Variants in RAPGEF2 observed in about 807,000 individuals in gnomAD.
RAPGEF2 encodes Rap guanine nucleotide exchange factor 2.
A neutral mutation model predicts 186.7 loss-of-function variants in RAPGEF2; 54 were observed. The observed-to-expected ratio is 0.29, with a 90% confidence interval of 0.23 to 0.36. RAPGEF2 has a LOEUF of 0.36. Among genes scored for constraint, RAPGEF2 ranks in the 10% least tolerant of loss-of-function variants. RAPGEF2 has a pLI of 1.00. For missense variants in RAPGEF2, 1,532 were observed against 2,045.0 expected (o/e 0.75, Z 4.84); for synonymous variants, 712 against 705.9 (o/e 1.01, Z -0.14).
intron 1 of RAPGEF2, among the ~76,000 whole-genome samples, chr4:159,182,956 G>A (rs1747175312): frequency 6.6e-6 from 1 of 152,172 alleles, no homozygotes; most frequent in African/African-American, 2.4e-5. Context: ...ACATGTTATG[G>A]ATCAGGAGAC....
At chr4:159,265,252 G>A (rs183493420) in intron 7 of RAPGEF2, among the ~76,000 whole-genome samples, 54 of 152,318 alleles carry the variant, frequency 3.5e-4, no homozygotes, top group Admixed American at 9.2e-4. Flanking sequence ...TCATGGAGGT[G>A]AGAGTGTAGT....
intron 8 of RAPGEF2, among the ~76,000 whole-genome samples, chr4:159,310,802 C>A (rs1425441834): frequency 2.0e-5 from 3 of 151,884 alleles, no homozygotes; most frequent in Non-Finnish European, 4.4e-5. Context: ...AAATATAAAG[C>A]GTCTGTTTTA....
At chr4:159,141,584 ATATATATATATT>A (rs542968286) in intron 1 of RAPGEF2, among the ~76,000 whole-genome samples, 186 of 140,876 alleles carry the variant, frequency 1.3e-3, no homozygotes, top group African/African-American at 4.2e-3. Flanking sequence ...CTAAGTGTGT[ATATATATATATT>A]TATATATATT....
intron 3 of RAPGEF2, among the ~76,000 whole-genome samples, chr4:159,209,902 C>CAT (rs1750355318): frequency 6.6e-6 from 1 of 152,142 alleles, no homozygotes; most frequent in Non-Finnish European, 1.5e-5. Flanking sequence ...ATGGCACATC[C>CAT]ATACATGCTT....
At chr4:159,274,438 C>T (rs988249293) in intron 7 of RAPGEF2, among the ~76,000 whole-genome samples, 8 of 151,884 alleles carry the variant, frequency 5.3e-5, no homozygotes, top group Non-Finnish European at 8.8e-5. Context: ...AAAAATAAAA[C>T]GAATGTCTAA....
intron 29 of RAPGEF2, 146 bp from the exon 30 acceptor site, chr4:159,357,968 A>G (rs1169263403): frequency 4.0e-6 from 3 of 745,622 alleles, no homozygotes; most frequent in Non-Finnish European, 6.0e-6. Flanking sequence ...ATTGTTTAGG[A>G]AAAAAAGACA....
chr4:159,220,149 G>A (rs901322529), intron 4 of RAPGEF2, among the ~76,000 whole-genome samples: 1 of 152,176 alleles, frequency 6.6e-6, no homozygotes, highest in Non-Finnish European at 1.5e-5. Flanking sequence ...AGAAGAATTG[G>A]TGAAACAGAA....
chr4:159,256,763 T>C (rs917846041), intron 7 of RAPGEF2, among the ~76,000 whole-genome samples: 3 of 152,232 alleles, frequency 2.0e-5, no homozygotes, highest in African/African-American at 7.2e-5. Flanking sequence ...TGGTATCTCA[T>C]TGTGGTTTTG....
chr4:159,262,785 A>G (rs1757020228), intron 7 of RAPGEF2, among the ~76,000 whole-genome samples: 1 of 151,952 alleles, frequency 6.6e-6, no homozygotes, highest in Non-Finnish European at 1.5e-5. Context: ...TAATTTTTCA[A>G]TTACAAATCA....
At chr4:159,202,155 A>G (rs950439226) in intron 3 of RAPGEF2, among the ~76,000 whole-genome samples, 1 of 152,164 alleles carries the variant, frequency 6.6e-6, no homozygotes, top group African/African-American at 2.4e-5. Context: ...TCACAAAGCA[A>G]TCGCCATCTT....
In RAPGEF2 at chr4:159,348,242, A is replaced by ATG. The variant is rs1730647108; in HGVS notation, c.3712+1244_3712+1245insTG. Among the ~76,000 whole-genome samples the ATG allele has an allele frequency of 1.0e-3, 147 of 145,054 alleles. 1 individual carries two copies. The highest frequency in any genetic ancestry group is 5.0e-3 in the South Asian group (23 of 4,632). ...TCGATAGATAGATAGATAGATAGAT[A>ATG]GATGGATGGATGGATGGATGGATGG... is the stretch of plus-strand genomic sequence containing the variant. On this transcript the variant is annotated intron_variant, in intron 25 of 29. Transcript: ENST00000691494.
rs1554005429 is a variant in RAPGEF2 at position 159,178,551 on chromosome 4, C to CAT, written c.70-8091_70-8090insAT. 4.1e-4 allele frequency among the ~76,000 whole-genome samples: 31 copies of CAT among 75,482 alleles called. 1 individual carries two copies. The highest frequency in any genetic ancestry group is 5.5e-4 in the Admixed American group (3 of 5,458). 49.5% of individuals were successfully genotyped at this position (75,482 alleles called of 152,430 possible). On this transcript the variant is annotated intron_variant, in intron 1 of 29. Transcript: ENST00000691494. ...TTCTTTCCCATTAGCATGTATTATG[C>CAT]TTTTTTTTTTTTTTTTTTTTTTTTG...
In RAPGEF2 at chr4:159,250,893, G is replaced by C. The variant is rs551614403; in HGVS notation, c.543+7102G>C. 8.9e-4 allele frequency among the ~76,000 whole-genome samples: 136 copies of C among 152,264 alleles called. 1 individual carries two copies. Among genetic ancestry groups the C allele is most frequent in the Non-Finnish European group, 1.7e-3 (114 of 68,010 alleles). The stretch of plus-strand genomic sequence containing the variant: ...CTCTGGGCTGGGCGTGGCCGGAGCC[G>C]GCTCCCTCTGCTTGCCGGGAGGTGT... On this transcript the variant is annotated intron_variant, in intron 7 of 29. Coordinates refer to ENST00000691494, the MANE Select transcript of RAPGEF2 (RefSeq NM_001394067.2).
intron 1 of RAPGEF2, among the ~76,000 whole-genome samples, chr4:159,156,473 AC>A (rs1237095175): frequency 6.6e-6 from 1 of 152,004 alleles, no homozygotes; most frequent in African/African-American, 2.4e-5. Flanking sequence ...AGCCTGAGGA[AC>A]TTTTTTTTTG....
chr4:159,132,838 T>G (rs1344523235), intron 1 of RAPGEF2, among the ~76,000 whole-genome samples: 1 of 151,814 alleles, frequency 6.6e-6, no homozygotes, highest in Non-Finnish European at 1.5e-5. Context: ...CTAGAAATGT[T>G]TATAACTTGT....
chr4:159,175,956 C>G (rs1261697918), intron 1 of RAPGEF2, among the ~76,000 whole-genome samples: 3 of 152,166 alleles, frequency 2.0e-5, no homozygotes, highest in Non-Finnish European at 4.4e-5. Flanking sequence ...AGACGAGTGT[C>G]TTTGTTCAAG....
At chr4:159,343,995 T>G in intron 22 of RAPGEF2, 41 bp from the exon 23 acceptor site, 1 of 1,522,888 alleles carries the variant, frequency 6.6e-7, no homozygotes, top group African/African-American at 1.4e-5. Flanking sequence ...CTGTCTCTCT[T>G]TCTACACCCA....
intron 4 of RAPGEF2, among the ~76,000 whole-genome samples, chr4:159,216,664 A>G (rs1751021986): frequency 6.6e-6 from 1 of 152,180 alleles, no homozygotes; most frequent in South Asian, 2.1e-4. Context: ...ACAAAGCTGT[A>G]TAACTTGGTT....
intron 7 of RAPGEF2, among the ~76,000 whole-genome samples, chr4:159,251,584 T>C (rs926453645): frequency 3.3e-5 from 5 of 152,060 alleles, no homozygotes; most frequent in African/African-American, 9.7e-5. Flanking sequence ...TCTGTCTAGC[T>C]AAAGATTTGT....
Sources: allele counts gnomAD v4.1 joint callset (sites outside exome capture counted in the v4.1 genomes callset), GRCh38; gene constraint gnomAD v4.1.1; transcripts MANE v1.5; gene names NCBI Gene and HGNC (gene_info 2026-07-23, HGNC 2026-07-21).